The following DNAH1 variants were observed in gnomAD, a reference collection of about 807,000 sequenced individuals.
DNAH1 encodes the protein dynein axonemal heavy chain 1.
A neutral mutation model predicts 484.3 loss-of-function variants in DNAH1; 327 were observed. The observed-to-expected ratio is 0.68, with a 90% confidence interval of 0.62 to 0.74. The LOEUF is 0.74. Among genes scored for constraint, DNAH1 ranks in the 30% least tolerant of loss-of-function variants. DNAH1 has a pLI of 0.00. For missense variants in DNAH1, 5,052 were observed against 5,546.8 expected (o/e 0.91, Z 2.83); for synonymous variants, 2,192 against 2,191.9 (o/e 1.00, Z 0.00).
intron 16 of DNAH1, among the ~76,000 whole-genome samples, 185 bp from the exon 17 acceptor site, chr3:52,351,777 C>T (rs900859773): frequency 1.3e-5 from 2 of 152,296 alleles, no homozygotes; most frequent in East Asian, 1.9e-4. Context: ...GTGGCAGTCG[C>T]GCCTCCCAGC....
chr3:52,355,113 A>G lies in DNAH1; in HGVS notation c.3693+58A>G. On this transcript the variant is annotated intron_variant, in intron 21 of 77. Transcript: ENST00000420323. This position sits in a 1 kb window ranked among gnomAD's most constrained non-coding sequence, Gnocchi z 4.5. The stretch of plus-strand genomic sequence containing the variant: ...TCCCCCACTTCAGAGAGCCCGACCC[A>G]CAGGTGTCACTGATGGTCTCCGGGT... 1.3e-6 allele frequency: 2 copies of G among 1,529,722 alleles called. No individual in the cohort carries two copies. The highest frequency in any genetic ancestry group is 1.8e-6 in the Non-Finnish European group (2 of 1,112,136). 94.8% of individuals were successfully genotyped at this position (1,529,722 alleles called of 1,614,324 possible).
At chr3:52,384,295 C>A (rs1704000465) in intron 52 of DNAH1, among the ~76,000 whole-genome samples, 1 of 152,194 alleles carries the variant, frequency 6.6e-6, no homozygotes. Context: ...TGCTTTCTTC[C>A]AAGAACCCCC....
In DNAH1 at chr3:52,396,900, C is replaced by T. The variant is rs574358913; in HGVS notation, c.11643C>T (p.Tyr3881=). The T allele has an allele frequency of 7.1e-5, 98 of 1,389,436 alleles. 1 individual carries two copies. Among genetic ancestry groups the T allele is most frequent in the Middle Eastern group, 4.0e-4 (2 of 4,972 alleles). 86.1% of individuals were successfully genotyped at this position (1,389,436 alleles called of 1,614,324 possible). ...VLKYTAGEIN[Y]GGRVTDDWDR... ...AGTACACGGCAGGGGAGATCAATTA[C>T]GGGGGCCGTGTCACTGATGACTGGG... is the stretch of plus-strand genomic sequence containing the variant. The change falls in exon 73 of 78, where the codon TAC becomes TAT. Residue 3881 remains tyrosine (Y), a synonymous_variant. Coordinates refer to ENST00000420323, the MANE Select transcript of DNAH1 (RefSeq NM_015512.5).
Position 52,345,476 on chromosome 3 carries a change from T to G in DNAH1, c.1445-19T>G. On this transcript the variant is annotated intron_variant, in intron 9 of 77. Transcript: ENST00000420323. ...GCCAGGCAGGGTCTGATACTGGCCC[T>G]TGGCCCCTATCCCTGCAGGGCTGGT... 6.4e-7 allele frequency: 1 copy of G among 1,552,398 alleles called. No individual in the cohort carries two copies. Among genetic ancestry groups the G allele is most frequent in the Non-Finnish European group, 8.7e-7 (1 of 1,146,844 alleles).
chr3:52,381,585 G>A lies in DNAH1; in HGVS notation c.7609-55G>A, dbSNP rs1703845511. On this transcript the variant is annotated intron_variant, in intron 48 of 77. Coordinates refer to ENST00000420323, the MANE Select transcript of DNAH1 (RefSeq NM_015512.5). This position sits in a 1 kb window ranked among gnomAD's most constrained non-coding sequence, Gnocchi z 4.1. ...AAAGCGGGTGGGTGGGGGGAATCGG[G>A]GAGACCCTACAGTAAGAGAGACCCC... 5.3e-6 allele frequency: 8 copies of A among 1,497,642 alleles called. No individual in the cohort carries two copies. Among genetic ancestry groups the A allele is most frequent in the Non-Finnish European group, 7.2e-6 (8 of 1,108,252 alleles). 92.8% of individuals were successfully genotyped at this position (1,497,642 alleles called of 1,614,324 possible).
At position 52,361,709 on chromosome 3, in the gene DNAH1, G is replaced by A. The variant is rs1028615653; in HGVS notation, c.4923G>A (p.Glu1641=). ...CFDEFNRIDI[E]VLSVVAQQIT... is the part of the protein sequence containing the mutation. ...ACGAGTTCAATCGCATCGACATCGAGGTGCTGTCTGTGGTGGCGCAGCAGA... is the reference window on the plus strand; with the variant it reads ...ACGAGTTCAATCGCATCGACATCGAAGTGCTGTCTGTGGTGGCGCAGCAGA... The change falls in exon 30 of 78, where the codon GAG becomes GAA. Residue 1641 remains glutamate (E), a synonymous_variant. Coordinates refer to ENST00000420323, the MANE Select transcript of DNAH1 (RefSeq NM_015512.5). The surrounding 1 kb of genome is among the most constrained non-coding windows in gnomAD (Gnocchi z 5.6). 1.9e-6 allele frequency: 3 copies of A among 1,611,660 alleles called. No individual in the cohort carries two copies. In the African/African-American group the frequency reaches 4.0e-5, roughly 22 times the overall value.
In DNAH1 at chr3:52,381,946, G is replaced by A; in HGVS notation, c.7805+110G>A. 1 of 1,169,938 alleles carries A rather than the reference G, an allele frequency of 8.5e-7. No homozygotes were observed. The highest frequency in any genetic ancestry group is 1.2e-6 in the Non-Finnish European group (1 of 847,130). 72.5% of individuals were successfully genotyped at this position (1,169,938 alleles called of 1,614,324 possible). On this transcript the variant is annotated intron_variant, in intron 49 of 77. Transcript: ENST00000420323. The surrounding 1 kb of genome is among the most constrained non-coding windows in gnomAD (Gnocchi z 4.1). ...GAGGCCTCGGGCAACCCTGAAGTAG[G>A]CCCGTGCAGCCTACAGGCTTCTGGA...
At chr3:52,343,320 A>G (rs1478288248) in intron 8 of DNAH1, among the ~76,000 whole-genome samples, 6 of 152,064 alleles carry the variant, frequency 3.9e-5, no homozygotes, top group African/African-American at 1.5e-4. Flanking sequence ...AGGGAAGGCA[A>G]AGAGACTGAG....
chr3:52,389,678 T>G, intron 60 of DNAH1, 92 bp downstream of exon 60: 1 of 1,248,994 alleles, frequency 8.0e-7, no homozygotes, highest in Non-Finnish European at 1.0e-6. Flanking sequence ...TACCCTGCTT[T>G]CCAGGGCCTG....
At chr3:52,397,619 C>T (rs1249335121) in intron 73 of DNAH1, 88 bp from the exon 74 acceptor site, 4 of 1,251,750 alleles carry the variant, frequency 3.2e-6, no homozygotes, top group South Asian at 1.5e-5. Flanking sequence ...GGGAATGTGA[C>T]AAGTGGGGAT....
chr3:52,383,780 T>C (rs1237146152), intron 51 of DNAH1, 80 bp from the exon 52 acceptor site: 6 of 1,476,060 alleles, frequency 4.1e-6, no homozygotes, highest in Middle Eastern at 1.8e-4. Flanking sequence ...GCCACAGGGC[T>C]GTGCAAGGGC....
intron 8 of DNAH1, among the ~76,000 whole-genome samples, chr3:52,334,937 C>G (rs531551741): frequency 5.3e-5 from 8 of 151,918 alleles, no homozygotes; most frequent in Admixed American, 1.3e-4. Flanking sequence ...CAAGATCCGC[C>G]CCCCGGCGCC....
At position 52,379,823 on chromosome 3, in the gene DNAH1, C is replaced by A. The variant is rs988594610; in HGVS notation, c.7378-82C>A. The A allele has an allele frequency of 3.9e-6, 5 of 1,287,816 alleles. No individual in the cohort carries two copies. The highest frequency in any genetic ancestry group is 5.3e-6 in the Non-Finnish European group (5 of 940,254). 79.8% of individuals were successfully genotyped at this position (1,287,816 alleles called of 1,614,324 possible). On this transcript the variant is annotated intron_variant, in intron 47 of 77. Transcript: ENST00000420323. This position sits in a 1 kb window ranked among gnomAD's most constrained non-coding sequence, Gnocchi z 4.4. The stretch of plus-strand genomic sequence containing the variant: ...CAGTCAGGGCCCCAGGAACTGGGGC[C>A]CACCCTCCCTTGCCTGGTGGTTTGA...
intron 1 of DNAH1, among the ~76,000 whole-genome samples, chr3:52,319,393 G>C (rs1462591078): frequency 6.6e-6 from 1 of 152,228 alleles, no homozygotes; most frequent in African/African-American, 2.4e-5. Context: ...CCTTGGGCAG[G>C]TCACCTAACT....
chr3:52,333,391 C>CTTTT (rs34307560), intron 8 of DNAH1, among the ~76,000 whole-genome samples: 7 of 137,532 alleles, frequency 5.1e-5, no homozygotes, highest in South Asian at 2.3e-4. Context: ...TTCTTTCTTT[C>CTTTT]TTTTTTTTTT....
chr3:52,379,823 C>T lies in DNAH1; in HGVS notation c.7378-82C>T. The T allele has an allele frequency of 7.8e-7, 1 of 1,287,936 alleles. No homozygotes were observed. Among genetic ancestry groups the T allele is most frequent in the East Asian group, 2.5e-5 (1 of 39,400 alleles). 79.8% of individuals were successfully genotyped at this position (1,287,936 alleles called of 1,614,324 possible). On this transcript the variant is annotated intron_variant, in intron 47 of 77. Transcript: ENST00000420323. The surrounding 1 kb of genome is among the most constrained non-coding windows in gnomAD (Gnocchi z 4.4). ...CAGTCAGGGCCCCAGGAACTGGGGCCCACCCTCCCTTGCCTGGTGGTTTGA... is the reference window on the plus strand; with the variant it reads ...CAGTCAGGGCCCCAGGAACTGGGGCTCACCCTCCCTTGCCTGGTGGTTTGA...
chr3:52,389,434 G>T (rs1353664749), intron 59 of DNAH1, 27 bp from the exon 60 acceptor site: 5 of 1,610,840 alleles, frequency 3.1e-6, no homozygotes, highest in Non-Finnish European at 4.2e-6. Flanking sequence ...TCATGGTGGG[G>T]TGGTCCTGAG....
chr3:52,377,074 C>T (rs1172052083), intron 46 of DNAH1, among the ~76,000 whole-genome samples: 1 of 152,190 alleles, frequency 6.6e-6, no homozygotes, highest in Non-Finnish European at 1.5e-5. Flanking sequence ...GGAAAACCAT[C>T]TTTGTGCTGG....
intron 54 of DNAH1, 34 bp from the exon 55 acceptor site, chr3:52,386,126 G>C (rs767146059): frequency 1.3e-6 from 2 of 1,589,098 alleles, no homozygotes; most frequent in South Asian, 2.3e-5. Flanking sequence ...GAAGAGAAAA[G>C]GGGGGAGGAC....
Sources: allele counts gnomAD v4.1 joint callset (sites outside exome capture counted in the v4.1 genomes callset), GRCh38; gene constraint gnomAD v4.1.1; non-coding constraint Gnocchi (gnomAD v3.1); transcripts MANE v1.5; gene names NCBI Gene and HGNC (gene_info 2026-07-23, HGNC 2026-07-21).